Variants in TTL observed in about 807,000 individuals in gnomAD.
The protein encoded by TTL is tubulin tyrosine ligase, also known as tubulin--tyrosine ligase.
A neutral mutation model predicts 41.1 loss-of-function variants in TTL; 10 were observed. The observed-to-expected ratio is 0.24, with a 90% confidence interval of 0.15 to 0.41. The LOEUF (loss-of-function observed/expected upper bound fraction) is 0.41. Ranked by LOEUF, TTL falls within the 10% of genes least tolerant of loss-of-function variation. The probability of loss-of-function intolerance (pLI) is 1.00; values close to 1 mark genes in which losing one functional copy is unlikely to be tolerated. For synonymous variants in TTL, 175 were observed against 175.5 expected (o/e 1.00, Z 0.02); for missense variants, 367 against 460.4 (o/e 0.80, Z 1.86).
chr2:112,504,060 G>A (rs1346280251), intron 5 of TTL, among the ~76,000 whole-genome samples: 15 of 57,272 alleles, frequency 2.6e-4, no homozygotes, highest in African/African-American at 9.1e-4. Context: ...GAGAATATGC[G>A]GTGTTTGGTT....
intron 5 of TTL, among the ~76,000 whole-genome samples, chr2:112,515,856 A>G (rs1682055365): frequency 6.6e-6 from 1 of 152,140 alleles, no homozygotes; most frequent in Non-Finnish European, 1.5e-5. Context: ...CTGAGGAAGG[A>G]GATTCGCTTG....
intron 5 of TTL, among the ~76,000 whole-genome samples, chr2:112,513,608 T>TAAC (rs1681985254): frequency 6.7e-6 from 1 of 148,750 alleles, no homozygotes. Flanking sequence ...TTTATACAAG[T>TAAC]ATAAGTATAA....
At chr2:112,492,812 A>G (rs932503026) in intron 2 of TTL, among the ~76,000 whole-genome samples, 8 of 152,260 alleles carry the variant, frequency 5.3e-5, no homozygotes, top group African/African-American at 1.9e-4. Flanking sequence ...AACGTTTTCA[A>G]CCCGGGAGGT....
At chr2:112,527,698 A>G (rs1682402779) in intron 6 of TTL, among the ~76,000 whole-genome samples, 1 of 152,086 alleles carries the variant, frequency 6.6e-6, no homozygotes, top group Admixed American at 6.6e-5. Flanking sequence ...TTTTGAGCCT[A>G]TGTGTGTCTC....
intron 2 of TTL, among the ~76,000 whole-genome samples, chr2:112,488,365 C>T (rs1574053506): frequency 6.6e-6 from 1 of 152,196 alleles, no homozygotes; most frequent in South Asian, 2.1e-4. Flanking sequence ...GCTTCCAAAC[C>T]AAGGTCATCT....
At chr2:112,521,320 G>T in intron 6 of TTL, 2 of 985,372 alleles carry the variant, frequency 2.0e-6, no homozygotes, top group Non-Finnish European at 2.4e-6. Context: ...GAGCGTCATG[G>T]AGTCATTAAG....
intron 5 of TTL, among the ~76,000 whole-genome samples, chr2:112,503,789 T>C (rs1436122423): frequency 1.4e-5 from 2 of 144,962 alleles, no homozygotes; most frequent in East Asian, 2.0e-4. Flanking sequence ...CTTCTCATTC[T>C]TTTATCCGTA....
rs190566108 is a variant in TTL at position 112,530,608 on chromosome 2, G to A, written c.*1813G>A. 1.5e-4 allele frequency: 34 copies of A among 227,026 alleles called. No homozygotes were observed. In the East Asian group the frequency reaches 2.1e-3, roughly 14 times the overall value. The allele number at this position is 227,026 out of a possible 1,614,324, so 14.1% of individuals were successfully genotyped here. On this transcript the variant is annotated 3_prime_UTR_variant, in exon 7 of 7. Coordinates refer to ENST00000233336, the MANE Select transcript of TTL (RefSeq NM_153712.5). ...CTGGGTCCCTGGCAAGTCTAGGTGGGCGGGTGACAGGGAAAGCATGGGCAT... is the reference window on the plus strand; with the variant it reads ...CTGGGTCCCTGGCAAGTCTAGGTGGACGGGTGACAGGGAAAGCATGGGCAT...
intron 5 of TTL, among the ~76,000 whole-genome samples, chr2:112,518,922 G>A (rs1034089051): frequency 1.1e-4 from 16 of 151,990 alleles, no homozygotes; most frequent in African/African-American, 3.9e-4. Context: ...TTACCCACCC[G>A]CCTCGGCCTC....
In TTL at chr2:112,530,362, G is replaced by C. The variant is rs1682475325; in HGVS notation, c.*1567G>C. ...AAGTGGAGAAGGTCCCAGGTGAATT[G>C]GCTCTCATGGAAATTTGGAATTACA... On this transcript the variant is annotated 3_prime_UTR_variant, in exon 7 of 7. Transcript: ENST00000233336. The C allele has an allele frequency of 4.3e-6, 1 of 231,896 alleles. No individual in the cohort carries two copies. Among genetic ancestry groups the C allele is most frequent in the Non-Finnish European group, 8.5e-6 (1 of 117,274 alleles). 14.4% of individuals were successfully genotyped at this position (231,896 alleles called of 1,614,324 possible). A position where few individuals can be genotyped will look rare whatever the true frequency, so the allele number is the denominator to read the frequency against.
chr2:112,523,623 G>A (rs1682299397), intron 6 of TTL, among the ~76,000 whole-genome samples: 1 of 152,014 alleles, frequency 6.6e-6, no homozygotes, highest in African/African-American at 2.4e-5. Flanking sequence ...GTAATGCAAG[G>A]TGGCTCTTAC....
In TTL at chr2:112,494,467, G is replaced by A. The variant is rs543715002; in HGVS notation, c.469+92G>A. 2.0e-5 allele frequency: 20 copies of A among 987,996 alleles called. No homozygotes were observed. In the Admixed American group the frequency reaches 2.7e-4, roughly 13 times the overall value. The allele number at this position is 987,996 out of a possible 1,614,324, so 61.2% of individuals were successfully genotyped here. On this transcript the variant is annotated intron_variant, in intron 3 of 6. Transcript: ENST00000233336. ...TGACCCTATTTTAATCTGAATCATC[G>A]AAGGTTGAGACCGTGTCTAGTTACA...
chr2:112,482,619 G>A lies in TTL; in HGVS notation c.157+118G>A, dbSNP rs1376008762. 3.6e-5 allele frequency: 41 copies of A among 1,136,174 alleles called. No individual in the cohort carries two copies. The highest frequency in any genetic ancestry group is 4.9e-5 in the Non-Finnish European group (41 of 834,560). The allele number at this position is 1,136,174 out of a possible 1,614,324, so 70.4% of individuals were successfully genotyped here. ...TCATACATTTTCTCCTCTGTCGCTTGTCGGGCACATCAGAAACGGATTCGG... is the reference window on the plus strand; with the variant it reads ...TCATACATTTTCTCCTCTGTCGCTTATCGGGCACATCAGAAACGGATTCGG... On this transcript the variant is annotated intron_variant, in intron 1 of 6. Transcript: ENST00000233336. The surrounding 1 kb of genome is among the most constrained non-coding windows in gnomAD (Gnocchi z 5.3).
chr2:112,509,826 G>A (rs1250964670), intron 5 of TTL, among the ~76,000 whole-genome samples: 2 of 152,118 alleles, frequency 1.3e-5, no homozygotes, highest in Non-Finnish European at 2.9e-5. Flanking sequence ...GTTCCTATTC[G>A]GCCATCTTGG....
At position 112,482,642 on chromosome 2, in the gene TTL, C is replaced by G. The variant is rs932966798; in HGVS notation, c.157+141C>G. The G allele has an allele frequency of 1.0e-6, 1 of 954,602 alleles. No homozygotes were observed. The highest frequency in any genetic ancestry group is 3.2e-5 in the East Asian group (1 of 30,994). 59.1% of individuals were successfully genotyped at this position (954,602 alleles called of 1,614,324 possible). On this transcript the variant is annotated intron_variant, in intron 1 of 6. Coordinates refer to ENST00000233336, the MANE Select transcript of TTL (RefSeq NM_153712.5). This position sits in a 1 kb window ranked among gnomAD's most constrained non-coding sequence, Gnocchi z 5.3. ...TTGTCGGGCACATCAGAAACGGATTCGGAAAGATCGAAACCTGTCGTTTTT... is the reference window on the plus strand; with the variant it reads ...TTGTCGGGCACATCAGAAACGGATTGGGAAAGATCGAAACCTGTCGTTTTT...
intron 5 of TTL, among the ~76,000 whole-genome samples, chr2:112,514,835 A>T (rs184212944): frequency 6.6e-6 from 1 of 152,270 alleles, no homozygotes; most frequent in East Asian, 1.9e-4. Context: ...CTCTAATTAC[A>T]TGATTGTTAA....
At chr2:112,522,656 C>A in intron 6 of TTL, 1 of 152,740 alleles carries the variant, frequency 6.5e-6, no homozygotes. Flanking sequence ...ACCTGCCTTC[C>A]CTGCCAGAAT....
intron 2 of TTL, among the ~76,000 whole-genome samples, chr2:112,487,238 C>G (rs780206918): frequency 6.6e-6 from 1 of 152,128 alleles, no homozygotes; most frequent in African/African-American, 2.4e-5. Context: ...TTTTTGTTCA[C>G]TCATTGGCCC....
intron 2 of TTL, among the ~76,000 whole-genome samples, chr2:112,491,907 C>G (rs564057444): frequency 2.0e-5 from 3 of 152,222 alleles, no homozygotes; most frequent in African/African-American, 7.2e-5. Context: ...ATAGTTCTAG[C>G]TTCTGTGTCC....
Sources: gnomAD v4.1 joint callset for allele counts (sites outside exome capture counted in the v4.1 genomes callset) on GRCh38, gnomAD v4.1.1 for gene constraint, Gnocchi (gnomAD v3.1) non-coding constraint, MANE v1.5 for transcripts, NCBI Gene and HGNC (gene_info 2026-07-23, HGNC 2026-07-21) for gene names.